NUMB: variants seen among roughly 807,000 people sequenced by gnomAD.
NUMB encodes NUMB endocytic adaptor protein.
A neutral mutation model predicts 59.7 loss-of-function variants in NUMB; 29 were observed. That is an observed-to-expected ratio of 0.49 (90% CI 0.36 to 0.66). NUMB has a LOEUF of 0.66. NUMB is among the 30% of genes least tolerant of loss of function. The pLI is 0.00. For missense variants in NUMB, 723 were observed against 822.0 expected, an observed-to-expected ratio of 0.88 and a Z score of 1.47; for synonymous variants, 288 against 288.2, an observed-to-expected ratio of 1.00 and a Z score of 0.01.
At chr14:73,325,435 T>C (rs138485247) in intron 4 of NUMB, among the ~76,000 whole-genome samples, 9 of 152,206 alleles carry the variant, frequency 5.9e-5, no homozygotes, top group South Asian at 2.1e-4. Flanking sequence ...GCCTGGGTGA[T>C]AGAGAGAGAC....
At position 73,384,870 on chromosome 14, in the gene NUMB, G is replaced by A. The variant is rs150424173; in HGVS notation, c.-100-17889C>T. 6.8e-3 allele frequency among the ~76,000 whole-genome samples: 1,014 copies of A among 150,186 alleles called. 5 individuals carry two copies. Among genetic ancestry groups the A allele is most frequent in the South Asian group, 0.03 (142 of 4,752 alleles). On this transcript the variant is annotated intron_variant, in intron 2 of 12. Transcript: ENST00000555238. ...TGAGATTACAGGTGTGAGCCACCAT[G>A]CCCAGCCAAATAACTGTAATTTTTT...
At chr14:73,384,889 ATTT>A (rs143582593) in intron 2 of NUMB, among the ~76,000 whole-genome samples, 7 of 114,446 alleles carry the variant, frequency 6.1e-5, no homozygotes, top group South Asian at 5.7e-4. Flanking sequence ...AATAACTGTA[ATTT>A]TTTTTTTTTT....
chr14:73,276,956 C>G lies in NUMB; in HGVS notation c.1578G>C (p.Val526=). 2 of 1,614,150 alleles carry G rather than the reference C, an allele frequency of 1.2e-6. No homozygotes were observed. The highest frequency in any genetic ancestry group is 2.2e-5 in the East Asian group (1 of 44,882). The change falls in exon 13 of 13, where the codon GTG becomes GTC. Residue 526 remains valine, a synonymous_variant. Transcript: ENST00000555238. ...CCATCTGGGAGGGAGTGATGCCCAC[C>G]ACAGGCACATTAGGGGCTGGATAGG... The part of the protein sequence containing the change: ...GMPYPAPNVP[V]VGITPSQMVA...
chr14:73,425,508 A>T (rs1897539843), intron 1 of NUMB, among the ~76,000 whole-genome samples: 1 of 152,112 alleles, frequency 6.6e-6, no homozygotes, highest in African/African-American at 2.4e-5. Flanking sequence ...CACCTGGCCT[A>T]AAATTAAATT....
chr14:73,342,684 A>G (rs1892698104), intron 4 of NUMB, among the ~76,000 whole-genome samples: 1 of 152,152 alleles, frequency 6.6e-6, no homozygotes. Context: ...AACCAATAAC[A>G]GCAGCAGCAG....
intron 3 of NUMB, among the ~76,000 whole-genome samples, chr14:73,359,783 C>T (rs1023155919): frequency 6.6e-6 from 1 of 152,124 alleles, no homozygotes; most frequent in Non-Finnish European, 1.5e-5. Flanking sequence ...GCTCTGCTTC[C>T]CTTTACTGAC....
At chr14:73,306,843 C>A (rs1366866094) in intron 6 of NUMB, among the ~76,000 whole-genome samples, 9 of 152,116 alleles carry the variant, frequency 5.9e-5, no homozygotes, top group Non-Finnish European at 1.0e-4. Context: ...CGCATTAATT[C>A]AAATATTTTG....
chr14:73,368,313 C>T (rs1211413507), intron 2 of NUMB, among the ~76,000 whole-genome samples: 3 of 152,076 alleles, frequency 2.0e-5, no homozygotes, highest in African/African-American at 2.4e-5. Context: ...CAGTGGCTCA[C>T]GCCTGTTAAT....
At chr14:73,457,748 G>A (rs1275873395) in intron 1 of NUMB, 1 of 152,476 alleles carries the variant, frequency 6.6e-6, no homozygotes, top group African/African-American at 2.4e-5. Flanking sequence ...GGGGGCGCAG[G>A]GAGCTCCGGT....
intron 3 of NUMB, among the ~76,000 whole-genome samples, chr14:73,364,975 C>G (rs566762784): frequency 6.6e-6 from 1 of 152,028 alleles, no homozygotes; most frequent in African/African-American, 2.4e-5. Flanking sequence ...GGGAAAGAAA[C>G]AAAACAGAAG....
intron 7 of NUMB, 67 bp from the exon 8 acceptor site, chr14:73,292,941 A>T (rs751104814): frequency 6.7e-7 from 1 of 1,503,514 alleles, no homozygotes; most frequent in Non-Finnish European, 9.2e-7. Flanking sequence ...AGAACACAGG[A>T]TGTTCATTTC....
chr14:73,331,288 GT>G (rs1891959750), intron 4 of NUMB, among the ~76,000 whole-genome samples: 1 of 152,196 alleles, frequency 6.6e-6, no homozygotes, highest in African/African-American at 2.4e-5. Context: ...GCTCAGGCCT[GT>G]AGTCCCAGCA....
intron 4 of NUMB, among the ~76,000 whole-genome samples, chr14:73,350,638 C>T (rs1893196870): frequency 6.7e-6 from 1 of 150,186 alleles, no homozygotes; most frequent in African/African-American, 2.5e-5. Flanking sequence ...CTCAAGTGAC[C>T]TTCCCACCTC....
At chr14:73,456,793 A>C (rs1884405378) in intron 1 of NUMB, among the ~76,000 whole-genome samples, 1 of 152,156 alleles carries the variant, frequency 6.6e-6, no homozygotes, top group Non-Finnish European at 1.5e-5. Flanking sequence ...TGGTCCTCTG[A>C]CCAACGTGAT....
intron 2 of NUMB, among the ~76,000 whole-genome samples, chr14:73,381,210 A>G (rs1375143399): frequency 6.6e-6 from 1 of 152,204 alleles, no homozygotes; most frequent in African/African-American, 2.4e-5. Context: ...CAACCTCGGT[A>G]CCTAATTTAG....
intron 8 of NUMB, among the ~76,000 whole-genome samples, chr14:73,289,091 C>T (rs151285682): frequency 1.8e-4 from 27 of 152,094 alleles, no homozygotes; most frequent in African/African-American, 6.3e-4. Flanking sequence ...CTTTCTGAAT[C>T]CCCCCTCTAA....
At chr14:73,330,025 G>A (rs1272984320) in intron 4 of NUMB, among the ~76,000 whole-genome samples, 1 of 151,954 alleles carries the variant, frequency 6.6e-6, no homozygotes, top group South Asian at 2.1e-4. Context: ...CAACAGCAGG[G>A]GCAAACACTT....
intron 3 of NUMB, among the ~76,000 whole-genome samples, chr14:73,362,928 C>A (rs1894160134): frequency 6.6e-6 from 1 of 152,000 alleles, no homozygotes; most frequent in East Asian, 1.9e-4. Flanking sequence ...GCAGGAGGAT[C>A]GTTTGAGTCT....
At position 73,364,387 on chromosome 14, in the gene NUMB, C is replaced by T. The variant is rs562523070; in HGVS notation, c.-16+2510G>A. 2.0e-5 allele frequency among the ~76,000 whole-genome samples: 3 copies of T among 152,110 alleles called. No individual in the cohort carries two copies. The East Asian group carries it at 5.8e-4, about 29-fold the overall frequency. On this transcript the variant is annotated intron_variant, in intron 3 of 12. Coordinates refer to ENST00000555238, the MANE Select transcript of NUMB (RefSeq NM_001005743.2). ...GGCATGGTGATGCCCGCTTATAGTCCCAGCTACTCAGGAGGTTGAGGTGGG... is the reference window on the plus strand; with the variant it reads ...GGCATGGTGATGCCCGCTTATAGTCTCAGCTACTCAGGAGGTTGAGGTGGG...
Sources: allele counts gnomAD v4.1 joint callset (sites outside exome capture counted in the v4.1 genomes callset), GRCh38; gene constraint gnomAD v4.1.1; transcripts MANE v1.5; gene names NCBI Gene and HGNC (gene_info 2026-07-23, HGNC 2026-07-21).